APP: variants seen among roughly 807,000 people sequenced by gnomAD.
The protein encoded by APP is amyloid-beta precursor protein.
A neutral mutation model predicts 101.4 loss-of-function variants in APP; 31 were observed. That is an observed-to-expected ratio of 0.31 (90% CI 0.23 to 0.41). The LOEUF (loss-of-function observed/expected upper bound fraction) is 0.41, where lower values mean the gene tolerates loss of function less well. Among genes scored for constraint, APP ranks in the 10% least tolerant of loss-of-function variants. The pLI, the probability that APP is intolerant of heterozygous loss-of-function variation, is 1.00. For missense variants in APP, 839 were observed against 1,003.7 expected (o/e 0.84, Z 2.22); for synonymous variants, 366 against 364.4 (o/e 1.00, Z -0.05).
chr21:26,157,849 C>T (rs1172394860), intron 1 of APP, among the ~76,000 whole-genome samples: 1 of 152,178 alleles, frequency 6.6e-6, no homozygotes, highest in Non-Finnish European at 1.5e-5. Flanking sequence ...GCTACGCAGC[C>T]ACAGAAAACA....
intron 11 of APP, among the ~76,000 whole-genome samples, chr21:25,959,529 T>A (rs2146509445): frequency 6.6e-6 from 1 of 152,346 alleles, no homozygotes; most frequent in Non-Finnish European, 1.5e-5. Flanking sequence ...ACTTTCTAGT[T>A]TTTACAAGTG....
At chr21:26,131,826 C>T (rs2062803661) in intron 1 of APP, among the ~76,000 whole-genome samples, 1 of 151,980 alleles carries the variant, frequency 6.6e-6, no homozygotes, top group South Asian at 2.1e-4. Context: ...TGATAAACCA[C>T]AAAACTCTAC....
intron 2 of APP, 98 bp downstream of exon 2, chr21:26,111,881 T>C: frequency 2.3e-6 from 3 of 1,296,876 alleles, no homozygotes; most frequent in Admixed American, 3.4e-5. Context: ...ATTTTTACTG[T>C]AGGGTTAAAA....
At chr21:26,153,467 G>A (rs987580379) in intron 1 of APP, among the ~76,000 whole-genome samples, 3 of 151,966 alleles carry the variant, frequency 2.0e-5, no homozygotes, top group Non-Finnish European at 2.9e-5. Flanking sequence ...TGTTGTTGTT[G>A]TTGTTTTTCA....
intron 5 of APP, among the ~76,000 whole-genome samples, chr21:26,040,687 G>C (rs1210802265): frequency 6.6e-6 from 1 of 151,778 alleles, no homozygotes; most frequent in Non-Finnish European, 1.5e-5. Flanking sequence ...ACTTGAACTT[G>C]GGAGGGGAGG....
chr21:25,990,625 T>G (rs920195449), intron 8 of APP, among the ~76,000 whole-genome samples: 4 of 152,236 alleles, frequency 2.6e-5, no homozygotes, highest in Admixed American at 2.6e-4. Flanking sequence ...TCATATAAAC[T>G]GTAGCAGTAA....
intron 17 of APP, among the ~76,000 whole-genome samples, chr21:25,887,052 C>T (rs1479389620): frequency 6.6e-6 from 1 of 152,106 alleles, no homozygotes; most frequent in African/African-American, 2.4e-5. Context: ...GGGGAGACTT[C>T]TGGTGTTCAA....
At chr21:25,997,932 C>T (rs1459116839) in intron 7 of APP, among the ~76,000 whole-genome samples, 1 of 152,114 alleles carries the variant, frequency 6.6e-6, no homozygotes, top group East Asian at 1.9e-4. Context: ...TTGGGAGCAT[C>T]GACCTTTTGC....
intron 1 of APP, among the ~76,000 whole-genome samples, chr21:26,128,030 A>G (rs897811085): frequency 5.9e-5 from 9 of 152,226 alleles, no homozygotes; most frequent in African/African-American, 2.2e-4. Context: ...CACTAAAGAA[A>G]ATGCTGACTA....
At chr21:26,090,344 TTTGGGTTTTTGAGCATTTCGGAC>T (rs2061796797) in intron 2 of APP, among the ~76,000 whole-genome samples, 1 of 152,190 alleles carries the variant, frequency 6.6e-6, no homozygotes, top group Non-Finnish European at 1.5e-5. Flanking sequence ...TGCAAATAGT[TTTGGGTTTTTGAGCATTTCGGAC>T]TCTGGATTTT....
chr21:26,163,987 C>A (rs888528687), intron 1 of APP, among the ~76,000 whole-genome samples: 3 of 152,234 alleles, frequency 2.0e-5, no homozygotes, highest in Non-Finnish European at 4.4e-5. Flanking sequence ...TGGCTCACGC[C>A]TGTAATCGCA....
intron 2 of APP, among the ~76,000 whole-genome samples, chr21:26,103,665 A>G (rs2062115000): frequency 6.6e-6 from 1 of 152,216 alleles, no homozygotes; most frequent in South Asian, 2.1e-4. Flanking sequence ...AAAGGAAAGT[A>G]TAGGCTCCAT....
chr21:25,939,299 C>A (rs1461174601), intron 13 of APP, among the ~76,000 whole-genome samples: 2 of 152,206 alleles, frequency 1.3e-5, no homozygotes, highest in African/African-American at 4.8e-5. Flanking sequence ...GAAAGCAAAA[C>A]CTGTCTCACA....
intron 16 of APP, among the ~76,000 whole-genome samples, chr21:25,892,149 TCTA>T (rs2037742286): frequency 3.8e-5 from 2 of 52,844 alleles, no homozygotes; most frequent in South Asian, 1.0e-3. Context: ...TTCGAGGAAG[TCTA>T]CTTTCCCCAC....
At chr21:25,894,555 A>T (rs1782976) in intron 16 of APP, among the ~76,000 whole-genome samples, 139,933 of 152,260 alleles carry the variant, frequency 0.92, 64,476 homozygotes, top group African/African-American at 0.96. Flanking sequence ...AGGATGTCAC[A>T]GCAGATGTGG....
At chr21:25,888,481 GCA>G (rs2037484818) in intron 17 of APP, among the ~76,000 whole-genome samples, 1 of 152,176 alleles carries the variant, frequency 6.6e-6, no homozygotes, top group Non-Finnish European at 1.5e-5. Context: ...CTATGGGGCT[GCA>G]CAGAGGGCTG....
intron 1 of APP, among the ~76,000 whole-genome samples, chr21:26,149,027 G>A (rs899673750): frequency 6.6e-6 from 1 of 152,192 alleles, no homozygotes; most frequent in South Asian, 2.1e-4. Flanking sequence ...TTGGGAGGGG[G>A]AGAGAAGACA....
chr21:26,047,305 A>C (rs186011104), intron 5 of APP, among the ~76,000 whole-genome samples: 2 of 152,346 alleles, frequency 1.3e-5, no homozygotes, highest in Admixed American at 1.3e-4. Flanking sequence ...TTTCCAGGAA[A>C]ATGGTAGCTC....
chr21:26,109,257 C>T (rs940659160), intron 2 of APP, among the ~76,000 whole-genome samples: 5 of 152,282 alleles, frequency 3.3e-5, no homozygotes, highest in Admixed American at 6.5e-5. Flanking sequence ...AATCTCATGT[C>T]GAATTGTAAT....
Sources: gnomAD v4.1 joint callset for allele counts (sites outside exome capture counted in the v4.1 genomes callset) on GRCh38, gnomAD v4.1.1 for gene constraint, MANE v1.5 for transcripts, NCBI Gene and HGNC (gene_info 2026-07-23, HGNC 2026-07-21) for gene names.